Variants in GRID2 observed in about 807,000 individuals in gnomAD.
The protein encoded by GRID2 is glutamate ionotropic receptor delta type subunit 2.
In GRID2, 33 loss-of-function variants were observed where a neutral mutation model predicts 114.8. The ratio of observed to expected loss-of-function variants is 0.29; its 90% CI spans 0.22 to 0.38. GRID2 has a LOEUF of 0.38. GRID2 is among the 10% of genes least tolerant of loss of function. GRID2 has a pLI of 1.00. For missense variants in GRID2, 1,184 were observed against 1,257.7 expected (o/e 0.94, Z 0.89); for synonymous variants, 505 against 449.9 (o/e 1.12, Z -1.55).
chr4:93,745,964 G>C (rs1731805745), intron 14 of GRID2, among the ~76,000 whole-genome samples: 1 of 152,094 alleles, frequency 6.6e-6, no homozygotes, highest in Non-Finnish European at 1.5e-5. Context: ...GCAGGGGCTT[G>C]ATTGTCTGAT....
intron 8 of GRID2, among the ~76,000 whole-genome samples, chr4:93,307,501 C>T (rs1287312432): frequency 2.0e-5 from 3 of 151,642 alleles, no homozygotes; most frequent in Admixed American, 1.3e-4. Flanking sequence ...TTTAGTAATC[C>T]CTCTTTGAAC....
chr4:92,832,346 G>C (rs890227192), intron 2 of GRID2, among the ~76,000 whole-genome samples: 2 of 151,890 alleles, frequency 1.3e-5, no homozygotes, highest in Admixed American at 1.3e-4. Context: ...CCAGCTACTT[G>C]GGAGGCTGAG....
chr4:93,670,024 C>A (rs1222359983), intron 14 of GRID2, among the ~76,000 whole-genome samples: 2 of 152,020 alleles, frequency 1.3e-5, no homozygotes, highest in Admixed American at 1.3e-4. Flanking sequence ...AAATTAGTGG[C>A]AAAATGTGAC....
At chr4:92,950,127 GA>G (rs1346811507) in intron 2 of GRID2, among the ~76,000 whole-genome samples, 1 of 152,108 alleles carries the variant, frequency 6.6e-6, no homozygotes, top group Non-Finnish European at 1.5e-5. Context: ...CACGTTTGGG[GA>G]ACTAATCATT....
chr4:92,500,976 G>T (rs953299598), intron 1 of GRID2, among the ~76,000 whole-genome samples: 9 of 151,958 alleles, frequency 5.9e-5, no homozygotes, highest in Non-Finnish European at 1.2e-4. Context: ...TTACAGCTCT[G>T]GTTCTCATTC....
At chr4:93,037,819 C>T (rs762673084) in intron 2 of GRID2, among the ~76,000 whole-genome samples, 6 of 152,100 alleles carry the variant, frequency 3.9e-5, no homozygotes, top group Non-Finnish European at 5.9e-5. Context: ...GTACCAGTAC[C>T]GTGCTGTTTT....
intron 2 of GRID2, among the ~76,000 whole-genome samples, chr4:92,892,940 C>T (rs181607729): frequency 6.6e-6 from 1 of 152,070 alleles, no homozygotes; most frequent in Non-Finnish European, 1.5e-5. Context: ...CATTTCATTA[C>T]AGCAAACATG....
chr4:93,451,455 A>G (rs913931069), intron 10 of GRID2, among the ~76,000 whole-genome samples: 2 of 152,126 alleles, frequency 1.3e-5, no homozygotes, highest in Non-Finnish European at 2.9e-5. Flanking sequence ...ACCATGCATC[A>G]GGAAGAACTG....
intron 1 of GRID2, among the ~76,000 whole-genome samples, chr4:92,477,172 G>A (rs1722361731): frequency 6.6e-6 from 1 of 151,214 alleles, no homozygotes. Context: ...GTCATAATCA[G>A]CAGTGCAGGC....
chr4:92,803,154 TC>T (rs1740253667), intron 2 of GRID2, among the ~76,000 whole-genome samples: 1 of 151,864 alleles, frequency 6.6e-6, no homozygotes, highest in Admixed American at 6.6e-5. Context: ...GCTATTTTTT[TC>T]CATACAAAAT....
At chr4:92,962,719 C>T (rs1752902408) in intron 2 of GRID2, among the ~76,000 whole-genome samples, 1 of 151,838 alleles carries the variant, frequency 6.6e-6, no homozygotes, top group Non-Finnish European at 1.5e-5. Flanking sequence ...CAAGGCAAAA[C>T]TCACATAAGT....
chr4:92,953,466 T>C (rs1294318554), intron 2 of GRID2, among the ~76,000 whole-genome samples: 1 of 152,184 alleles, frequency 6.6e-6, no homozygotes, highest in Non-Finnish European at 1.5e-5. Flanking sequence ...TGAGCTGAAC[T>C]CATCTGTGAT....
At chr4:93,090,216 C>T (rs984296324) in intron 3 of GRID2, among the ~76,000 whole-genome samples, 4 of 152,118 alleles carry the variant, frequency 2.6e-5, no homozygotes, top group African/African-American at 9.7e-5. Context: ...ATAAACAGGA[C>T]TTTAATGAGC....
At chr4:92,994,628 A>G (rs1410695211) in intron 2 of GRID2, among the ~76,000 whole-genome samples, 1 of 151,972 alleles carries the variant, frequency 6.6e-6, no homozygotes, top group Non-Finnish European at 1.5e-5. Flanking sequence ...CCACCCTATC[A>G]TTGTTCTTAA....
chr4:92,980,750 G>A (rs1272042815), intron 2 of GRID2, among the ~76,000 whole-genome samples: 2 of 152,006 alleles, frequency 1.3e-5, no homozygotes, highest in Non-Finnish European at 2.9e-5. Context: ...TTAGACCTAT[G>A]TGCAATGTAG....
chr4:92,383,058 G>C (rs1449551446), intron 1 of GRID2, among the ~76,000 whole-genome samples: 1 of 151,838 alleles, frequency 6.6e-6, no homozygotes, highest in Non-Finnish European at 1.5e-5. Flanking sequence ...CAGAACATGA[G>C]GAAGAGAGAG....
At chr4:92,820,620 C>A (rs1191155210) in intron 2 of GRID2, among the ~76,000 whole-genome samples, 1 of 152,056 alleles carries the variant, frequency 6.6e-6, no homozygotes, top group Non-Finnish European at 1.5e-5. Flanking sequence ...TGTCAGAATC[C>A]TATAAATACC....
intron 14 of GRID2, among the ~76,000 whole-genome samples, chr4:93,752,736 T>C (rs1299115945): frequency 1.3e-5 from 2 of 152,228 alleles, no homozygotes; most frequent in East Asian, 3.8e-4. Context: ...TTATTTTCCC[T>C]GCTTAAAATT....
chr4:92,967,279 C>A (rs1021358997), intron 2 of GRID2, among the ~76,000 whole-genome samples: 1 of 151,836 alleles, frequency 6.6e-6, no homozygotes, highest in Non-Finnish European at 1.5e-5. Context: ...CAGAAATCAA[C>A]CTTTCAAATA....
Sources: gnomAD v4.1 joint callset for allele counts (sites outside exome capture counted in the v4.1 genomes callset) on GRCh38, gnomAD v4.1.1 for gene constraint, MANE v1.5 for transcripts, NCBI Gene and HGNC (gene_info 2026-07-23, HGNC 2026-07-21) for gene names.